Variants in AGBL4 observed in about 807,000 individuals in gnomAD.
AGBL4 encodes cytosolic carboxypeptidase 6.
A neutral mutation model predicts 66.4 loss-of-function variants in AGBL4; 58 were observed. The ratio of observed to expected loss-of-function variants is 0.87; its 90% CI spans 0.71 to 1.09. AGBL4 has a LOEUF of 1.09. AGBL4 is among the 50% of genes least tolerant of loss of function. The pLI, the probability that AGBL4 is intolerant of heterozygous loss-of-function variation, is 0.00. For missense variants in AGBL4, 579 were observed against 631.0 expected (o/e 0.92, Z 0.88); for synonymous variants, 234 against 222.9 (o/e 1.05, Z -0.44).
intron 2 of AGBL4, among the ~76,000 whole-genome samples, chr1:49,831,344 C>T (rs971536855): frequency 1.9e-4 from 29 of 152,036 alleles, no homozygotes; most frequent in African/African-American, 7.0e-4. Context: ...AGTTGTATTC[C>T]TAGGTATTTT....
intron 5 of AGBL4, among the ~76,000 whole-genome samples, chr1:48,998,558 G>C (rs1362128179): frequency 2.0e-5 from 3 of 152,174 alleles, no homozygotes; most frequent in African/African-American, 7.2e-5. Flanking sequence ...CACCATTTCA[G>C]GCCTAAGCTT....
rs563291569 is a variant in AGBL4 at position 48,652,244 on chromosome 1, G to A, written c.839+1093C>T. 2.6e-5 allele frequency among the ~76,000 whole-genome samples: 4 copies of A among 152,242 alleles called. No individual in the cohort carries two copies. In the South Asian group the frequency reaches 8.3e-4, roughly 32 times the overall value. Reference sequence around the variant, plus strand: ...CACAAACAAATAAATAAATAACCAGGCCTGTGAGAACTCAGAGAAGAGAGT... The same window carrying A: ...CACAAACAAATAAATAAATAACCAGACCTGTGAGAACTCAGAGAAGAGAGT... On this transcript the variant is annotated intron_variant, in intron 8 of 13. Coordinates refer to ENST00000371839, the MANE Select transcript of AGBL4 (RefSeq NM_032785.4).
intron 4 of AGBL4, among the ~76,000 whole-genome samples, chr1:49,074,972 TC>T (rs1292817936): frequency 6.6e-6 from 1 of 152,150 alleles, no homozygotes; most frequent in Admixed American, 6.5e-5. Flanking sequence ...GGCCAATATA[TC>T]CACTTTTACA....
Position 48,533,225 on chromosome 1 carries a change from C to G in AGBL4, c.*948G>C, listed in dbSNP as rs1307265002. ...TTCCACAGACAGGAAGGGAGCAGAC[C>G]CCCCTGGACCCATTCATCATACAAA... On this transcript the variant is annotated 3_prime_UTR_variant, in exon 14 of 14. Coordinates refer to ENST00000371839, the MANE Select transcript of AGBL4 (RefSeq NM_032785.4). 6.6e-6 allele frequency: 1 copy of G among 152,108 alleles called. No individual in the cohort carries two copies. Among genetic ancestry groups the G allele is most frequent in the Admixed American group, 6.6e-5 (1 of 15,264 alleles). The allele number at this position is 152,108 out of a possible 1,614,324, so 9.4% of individuals were successfully genotyped here.
At chr1:48,949,303 A>G (rs924998051) in intron 5 of AGBL4, among the ~76,000 whole-genome samples, 1 of 152,330 alleles carries the variant, frequency 6.6e-6, no homozygotes, top group South Asian at 2.1e-4. Flanking sequence ...GCAAAAGACT[A>G]TGGGGAAAGT....
At chr1:49,416,664 T>A (rs1316449206) in intron 3 of AGBL4, among the ~76,000 whole-genome samples, 1 of 152,152 alleles carries the variant, frequency 6.6e-6, no homozygotes, top group Admixed American at 6.6e-5. Context: ...TGAGCTCGAA[T>A]TTCTTCATAT....
intron 4 of AGBL4, among the ~76,000 whole-genome samples, chr1:49,206,094 T>C (rs1648106831): frequency 1.3e-5 from 2 of 152,160 alleles, no homozygotes; most frequent in Admixed American, 1.3e-4. Flanking sequence ...AGGTCAAGTT[T>C]AGAAAAGTTT....
At chr1:49,213,244 A>C (rs886944642) in intron 4 of AGBL4, among the ~76,000 whole-genome samples, 1 of 152,138 alleles carries the variant, frequency 6.6e-6, no homozygotes, top group African/African-American at 2.4e-5. Flanking sequence ...ATCTACATTT[A>C]TCTTAGGCTT....
At chr1:49,667,666 A>G (rs1187773891) in intron 3 of AGBL4, among the ~76,000 whole-genome samples, 2 of 152,292 alleles carry the variant, frequency 1.3e-5, no homozygotes, top group Non-Finnish European at 1.5e-5. Flanking sequence ...TTCTCTACTC[A>G]ACATCAATAG....
intron 5 of AGBL4, among the ~76,000 whole-genome samples, chr1:48,947,144 C>A (rs969727277): frequency 6.6e-6 from 1 of 152,212 alleles, no homozygotes. Context: ...TTCTTTGAGT[C>A]CAGCTCAAAA....
intron 5 of AGBL4, among the ~76,000 whole-genome samples, chr1:49,030,835 A>G (rs1664158367): frequency 6.6e-6 from 1 of 151,478 alleles, no homozygotes; most frequent in South Asian, 2.1e-4. Context: ...AAAAAAAAAA[A>G]AAGGAAAAAA....
chr1:49,617,838 G>GGTTTT (rs200916740), intron 3 of AGBL4, among the ~76,000 whole-genome samples: 40 of 152,190 alleles, frequency 2.6e-4, no homozygotes, highest in African/African-American at 7.9e-4. Context: ...CCAAGGTTTC[G>GGTTTT]GTTTTGTTTT....
At chr1:49,409,528 G>T (rs1461834333) in intron 3 of AGBL4, among the ~76,000 whole-genome samples, 1 of 152,110 alleles carries the variant, frequency 6.6e-6, no homozygotes, top group East Asian at 1.9e-4. Flanking sequence ...CTTAAAGAAG[G>T]CACAGCTGAA....
chr1:48,859,695 A>G (rs1366881256), intron 6 of AGBL4, among the ~76,000 whole-genome samples: 2 of 152,260 alleles, frequency 1.3e-5, no homozygotes, highest in Admixed American at 1.3e-4. Context: ...AGAGTGAATA[A>G]GCCTTTGCTT....
chr1:49,964,466 G>A lies in AGBL4; in HGVS notation c.34+59297C>T, dbSNP rs375929152. On this transcript the variant is annotated intron_variant, in intron 1 of 13. Coordinates refer to ENST00000371839, the MANE Select transcript of AGBL4 (RefSeq NM_032785.4). ...AGTAAGAGTACTAGAAGTAGCAATG[G>A]TAGTGATTTTGCTAAGATTTTTATC... 3.5e-4 allele frequency among the ~76,000 whole-genome samples: 54 copies of A among 152,130 alleles called. 1 individual carries two copies. The South Asian group carries it at 9.5e-3, about 27-fold the overall frequency.
intron 3 of AGBL4, among the ~76,000 whole-genome samples, chr1:49,501,380 C>T (rs990603692): frequency 5.9e-5 from 9 of 152,134 alleles, no homozygotes; most frequent in South Asian, 2.1e-4. Flanking sequence ...AGTCTCCACA[C>T]GCTGTTCTGT....
chr1:48,895,350 A>G (rs1651402736), intron 5 of AGBL4, among the ~76,000 whole-genome samples: 1 of 152,212 alleles, frequency 6.6e-6, no homozygotes, highest in African/African-American at 2.4e-5. Context: ...CTCTGGGGTC[A>G]CTTCTCACCA....
In AGBL4 at chr1:49,738,121, G is replaced by A. The variant is rs557009756; in HGVS notation, c.158-40684C>T. 5.6e-4 allele frequency among the ~76,000 whole-genome samples: 86 copies of A among 152,336 alleles called. 1 individual carries two copies. In the South Asian group the frequency reaches 0.014, roughly 25 times the overall value. ...AGCAGGGCGAGGAATCCCCTCACCC[G>A]GGAAGAGAAAGGGATTAGGGAATTC... On this transcript the variant is annotated intron_variant, in intron 2 of 13. Coordinates refer to ENST00000371839, the MANE Select transcript of AGBL4 (RefSeq NM_032785.4).
At chr1:49,523,414 G>T (rs2148803139) in intron 3 of AGBL4, among the ~76,000 whole-genome samples, 1 of 152,096 alleles carries the variant, frequency 6.6e-6, no homozygotes, top group Admixed American at 6.5e-5. Context: ...GAGTCATAAG[G>T]ATTAAATAAG....
Sources: allele counts gnomAD v4.1 joint callset (sites outside exome capture counted in the v4.1 genomes callset), GRCh38; gene constraint gnomAD v4.1.1; transcripts MANE v1.5; gene names NCBI Gene and HGNC (gene_info 2026-07-23, HGNC 2026-07-21).